RHOJ: variants seen among roughly 807,000 people sequenced by gnomAD.
RHOJ encodes ras homolog family member J.
Under a neutral mutation model 23.4 loss-of-function variants are expected in RHOJ, and 11 were observed. The ratio of observed to expected loss-of-function variants is 0.47; its 90% CI spans 0.30 to 0.78. The LOEUF is 0.78. RHOJ is among the 30% of genes least tolerant of loss of function. The pLI is 0.08. For missense variants in RHOJ, 254 were observed against 273.4 expected (o/e 0.93, Z 0.50); for synonymous variants, 102 against 102.7 (o/e 0.99, Z 0.04).
intron 1 of RHOJ, among the ~76,000 whole-genome samples, chr14:63,220,226 GT>G (rs1231902576): frequency 1.3e-5 from 2 of 152,062 alleles, no homozygotes; most frequent in African/African-American, 4.8e-5. Flanking sequence ...CAAGGACAAG[GT>G]TTTTTTAATC....
intron 3 of RHOJ, among the ~76,000 whole-genome samples, chr14:63,281,702 G>A (rs1013884216): frequency 6.6e-6 from 1 of 152,190 alleles, no homozygotes; most frequent in African/African-American, 2.4e-5. Flanking sequence ...CTACGACTGT[G>A]AAAGCCTTTA....
intron 1 of RHOJ, among the ~76,000 whole-genome samples, chr14:63,207,934 A>G (rs1249375005): frequency 6.6e-6 from 1 of 152,244 alleles, no homozygotes; most frequent in Non-Finnish European, 1.5e-5. Flanking sequence ...CGATACTTGC[A>G]TACAGCCAGG....
At chr14:63,276,638 G>A (rs759257619) in intron 2 of RHOJ, among the ~76,000 whole-genome samples, 9 of 152,138 alleles carry the variant, frequency 5.9e-5, no homozygotes, top group Middle Eastern at 3.2e-3. Context: ...TACAGAGCAC[G>A]GTGAGCCCAG....
chr14:63,247,029 A>G (rs1462826456), intron 1 of RHOJ, among the ~76,000 whole-genome samples: 1 of 152,216 alleles, frequency 6.6e-6, no homozygotes, highest in Non-Finnish European at 1.5e-5. Context: ...TTGAGACAGA[A>G]CTGGAAGGGG....
chr14:63,209,358 C>G (rs764104680), intron 1 of RHOJ, among the ~76,000 whole-genome samples: 14 of 152,182 alleles, frequency 9.2e-5, no homozygotes, highest in Non-Finnish European at 1.6e-4. Context: ...TCTCTCCAAT[C>G]TCATCTCTTA....
At position 63,291,765 on chromosome 14, in the gene RHOJ, T is replaced by TA. The variant is rs927748549; in HGVS notation, c.*742dup. The TA allele has an allele frequency of 6.5e-6, 1 of 154,904 alleles. No homozygotes were observed. The highest frequency in any genetic ancestry group is 1.9e-4 in the East Asian group (1 of 5,192). 9.6% of individuals were successfully genotyped at this position (154,904 alleles called of 1,614,324 possible). A position where few individuals can be genotyped will look rare whatever the true frequency, so the allele number is the denominator to read the frequency against. On this transcript the variant is annotated 3_prime_UTR_variant, in exon 5 of 5. Transcript: ENST00000316754. ...TGCAGGTCCACATTTTTGCCAAAGATACACTCTATAGATGCTTAGTAGTGG... is the reference window on the plus strand; with the variant it reads ...TGCAGGTCCACATTTTTGCCAAAGATAACACTCTATAGATGCTTAGTAGTGG...
chr14:63,241,601 C>T (rs1449998496), intron 1 of RHOJ, among the ~76,000 whole-genome samples: 1 of 152,042 alleles, frequency 6.6e-6, no homozygotes, highest in African/African-American at 2.4e-5. Flanking sequence ...ACAGGAACAT[C>T]AATATCCAGT....
chr14:63,214,181 G>A (rs1313156578), intron 1 of RHOJ, among the ~76,000 whole-genome samples: 1 of 152,130 alleles, frequency 6.6e-6, no homozygotes, highest in Non-Finnish European at 1.5e-5. Flanking sequence ...TGTTAAAAAT[G>A]CAGATTCTTG....
chr14:63,231,694 T>C (rs1436392780), intron 1 of RHOJ, among the ~76,000 whole-genome samples: 2 of 152,206 alleles, frequency 1.3e-5, no homozygotes, highest in Non-Finnish European at 2.9e-5. Flanking sequence ...ATAGGACTTA[T>C]TTCACCTAAA....
chr14:63,233,757 C>T (rs952755434), intron 1 of RHOJ, among the ~76,000 whole-genome samples: 4 of 152,250 alleles, frequency 2.6e-5, no homozygotes, highest in Middle Eastern at 3.4e-3. Flanking sequence ...AGTAACAGCC[C>T]TTTAACCAGC....
chr14:63,236,272 C>A lies in RHOJ; in HGVS notation c.178+31225C>A, dbSNP rs563097727. ...AAGCCAGCTATGGTGGTAGAATACC[C>A]AGCTGAATGCCTTCTGGAATATTTT... On this transcript the variant is annotated intron_variant, in intron 1 of 4. Coordinates refer to ENST00000316754, the MANE Select transcript of RHOJ (RefSeq NM_020663.5). 6.6e-5 allele frequency among the ~76,000 whole-genome samples: 10 copies of A among 152,304 alleles called. No homozygotes were observed. In the East Asian group the frequency reaches 1.9e-3, roughly 29 times the overall value.
intron 4 of RHOJ, chr14:63,288,287 G>C: frequency 1.0e-6 from 1 of 985,450 alleles, no homozygotes. Context: ...AGGAGGATGG[G>C]GAGTGCCCTG....
At chr14:63,282,286 G>GCACACACACACA (rs36227581) in intron 3 of RHOJ, among the ~76,000 whole-genome samples, 24 of 133,296 alleles carry the variant, frequency 1.8e-4, no homozygotes, top group African/African-American at 5.7e-4. Context: ...ACAAACACAT[G>GCACACACACACA]CACACACACA....
chr14:63,289,586 T>C (rs912995010), intron 4 of RHOJ, among the ~76,000 whole-genome samples: 1 of 152,234 alleles, frequency 6.6e-6, no homozygotes, highest in African/African-American at 2.4e-5. Flanking sequence ...CATCACATCA[T>C]TGACTCTTCC....
rs1483572536 is a variant in RHOJ, at chr14:63,204,559, CAGGCTGCTGAAATTTCTAGGCTGTT to C, written c.-307_-283del. 5.1e-6 allele frequency: 2 copies of C among 391,720 alleles called. No homozygotes were observed. Among genetic ancestry groups the C allele is most frequent in the African/African-American group, 4.1e-5 (2 of 48,548 alleles). 24.3% of individuals were successfully genotyped at this position (391,720 alleles called of 1,614,324 possible). On this transcript the variant is annotated 5_prime_UTR_variant, in exon 1 of 5. Coordinates refer to ENST00000316754, the MANE Select transcript of RHOJ (RefSeq NM_020663.5). ...GACAGGGAGAGCAGAGTAAAACCCT[CAGGCTGCTGAAATTTCTAGGCTGTT>C]AGGAAGCCCCTCGAATTCTGTGAAA...
intron 1 of RHOJ, among the ~76,000 whole-genome samples, chr14:63,226,534 A>G (rs898162490): frequency 1.3e-5 from 2 of 150,888 alleles, no homozygotes; most frequent in Non-Finnish European, 3.0e-5. Context: ...AAAATTATAT[A>G]TAAAACAATA....
intron 2 of RHOJ, among the ~76,000 whole-genome samples, chr14:63,278,230 T>C (rs1004132469): frequency 1.3e-5 from 2 of 152,194 alleles, no homozygotes; most frequent in African/African-American, 4.8e-5. Flanking sequence ...CTAAAACCTG[T>C]GCTTAAGTTT....
chr14:63,281,381 T>A (rs1330260130), intron 3 of RHOJ, among the ~76,000 whole-genome samples: 1 of 152,164 alleles, frequency 6.6e-6, no homozygotes, highest in East Asian at 1.9e-4. Flanking sequence ...TGATTTTTTT[T>A]AAATAACAAA....
chr14:63,233,088 G>C (rs967639292), intron 1 of RHOJ, among the ~76,000 whole-genome samples: 3 of 152,114 alleles, frequency 2.0e-5, no homozygotes, highest in Non-Finnish European at 4.4e-5. Context: ...AATATTAATT[G>C]AGGAGAATGT....
Sources: allele counts gnomAD v4.1 joint callset (sites outside exome capture counted in the v4.1 genomes callset), GRCh38; gene constraint gnomAD v4.1.1; transcripts MANE v1.5; gene names NCBI Gene and HGNC (gene_info 2026-07-23, HGNC 2026-07-21).